MYO7A: variants seen among roughly 807,000 people sequenced by gnomAD.
MYO7A encodes unconventional myosin-VIIa.
Under a neutral mutation model 263.8 loss-of-function variants are expected in MYO7A, and 210 were observed. That is an observed-to-expected ratio of 0.80 (90% CI 0.71 to 0.89). The LOEUF (loss-of-function observed/expected upper bound fraction) is 0.89. MYO7A is among the 40% of genes least tolerant of loss of function. The pLI is 0.00. For missense variants in MYO7A, 2,820 were observed against 2,968.3 expected, an observed-to-expected ratio of 0.95 and a Z score of 1.16; for synonymous variants, 1,239 against 1,197.3, an observed-to-expected ratio of 1.03 and a Z score of -0.72.
chr11:77,182,089 C>CA lies in MYO7A; in HGVS notation c.3044dup (p.His1015GlnfsTer16), dbSNP rs1955277019. ...CACCTACTTCCAGGGGACAACCACG[C>CA]ACTCCTACACCCGGCGGCCACTCAA... On this transcript the variant is annotated frameshift_variant, in exon 24 of 49. Transcript: ENST00000409709. LOFTEE classifies it high-confidence loss of function. The CA allele has an allele frequency of 6.2e-7, 1 of 1,613,338 alleles. No individual in the cohort carries two copies. The highest frequency in any genetic ancestry group is 8.5e-7 in the Non-Finnish European group (1 of 1,179,892).
chr11:77,144,189 C>T (rs1951407486), intron 3 of MYO7A, among the ~76,000 whole-genome samples: 1 of 152,190 alleles, frequency 6.6e-6, no homozygotes, highest in Admixed American at 6.5e-5. Flanking sequence ...ACATTTTTGG[C>T]CCTTGGGCCG....
chr11:77,202,210 C>T, intron 36 of MYO7A, 90 bp from the exon 37 acceptor site: 1 of 1,443,228 alleles, frequency 6.9e-7, no homozygotes, highest in Non-Finnish European at 9.2e-7. Context: ...AAGAGTCTCC[C>T]AGAGTCCAGA....
intron 20 of MYO7A, 65 bp from the exon 21 acceptor site, chr11:77,179,670 C>T (rs1316016697): frequency 5.6e-6 from 8 of 1,423,102 alleles, no homozygotes; most frequent in Non-Finnish European, 7.5e-6. Flanking sequence ...CATGGAAGCT[C>T]CTGCAGGCAG....
chr11:77,142,658 C>T, intron 2 of MYO7A, 51 bp from the exon 3 acceptor site: 3 of 1,476,134 alleles, frequency 2.0e-6, no homozygotes, highest in Non-Finnish European at 2.8e-6. Flanking sequence ...CTGGAAGGGG[C>T]TCCAATCCCC....
intron 29 of MYO7A, 56 bp downstream of exon 29, chr11:77,190,195 CGTGTGT>C: frequency 7.3e-7 from 1 of 1,377,268 alleles, no homozygotes; most frequent in South Asian, 1.4e-5. Flanking sequence ...TGTGTAAATG[CGTGTGT>C]GTGTGTGTCC....
intron 41 of MYO7A, 192 bp from the exon 42 acceptor site, chr11:77,207,094 GGGA>G (rs1258083466): frequency 5.9e-6 from 3 of 505,540 alleles, no homozygotes; most frequent in Admixed American, 3.3e-5. Context: ...TTGGAGAGTC[GGGA>G]GGAGGAGACC....
At chr11:77,212,794 G>A in intron 46 of MYO7A, 158 bp from the exon 47 acceptor site, 1 of 662,808 alleles carries the variant, frequency 1.5e-6, no homozygotes, top group South Asian at 1.8e-5. Context: ...TGAGGGCCCA[G>A]CGGAGGTGGA....
At position 77,179,936 on chromosome 11, in the gene MYO7A, CA is replaced by C; in HGVS notation, c.2571del (p.Gln857HisfsTer28). 1 of 1,529,724 alleles carries C rather than the reference CA, an allele frequency of 6.5e-7. No individual in the cohort carries two copies. The highest frequency in any genetic ancestry group is 8.8e-7 in the Non-Finnish European group (1 of 1,140,532). The allele number at this position is 1,529,724 out of a possible 1,614,324, so 94.8% of individuals were successfully genotyped here. ...ARGMIARRLH[Q>X]RLRAEYLWRL... ...GGGCATGATCGCCCGCAGGCTGCAC[CA>C]ACGCCTCAGGGCTGAGGTGAGGGAG... On this transcript the variant is annotated frameshift_variant, in exon 21 of 49. Transcript: ENST00000409709. LOFTEE classifies it high-confidence loss of function.
intron 44 of MYO7A, 187 bp downstream of exon 44, chr11:77,208,990 T>G (rs953699146): frequency 1.7e-6 from 1 of 603,540 alleles, no homozygotes; most frequent in African/African-American, 1.9e-5. Flanking sequence ...ATCTTCTGAT[T>G]CTTCAGCCCT....
intron 1 of MYO7A, among the ~76,000 whole-genome samples, chr11:77,130,298 G>T (rs1950731417): frequency 6.6e-6 from 1 of 152,258 alleles, no homozygotes; most frequent in African/African-American, 2.4e-5. Context: ...GGGCCCCTTT[G>T]CCGTAGGTCC....
intron 14 of MYO7A, among the ~76,000 whole-genome samples, chr11:77,163,781 T>A (rs896976850): frequency 6.6e-6 from 1 of 151,834 alleles, no homozygotes; most frequent in Non-Finnish European, 1.5e-5. Flanking sequence ...CTGAATAGTA[T>A]TTCGTTGTGT....
intron 1 of MYO7A, among the ~76,000 whole-genome samples, chr11:77,128,778 G>A (rs936391447): frequency 2.0e-5 from 3 of 152,172 alleles, no homozygotes; most frequent in African/African-American, 7.2e-5. Context: ...CAGGGGAATA[G>A]ACATGCTGTG....
chr11:77,134,484 T>A (rs1008620552), intron 2 of MYO7A, among the ~76,000 whole-genome samples: 3 of 151,310 alleles, frequency 2.0e-5, no homozygotes, highest in Admixed American at 6.6e-5. Flanking sequence ...AGAGATGGAG[T>A]CTTACTGTGT....
intron 3 of MYO7A, among the ~76,000 whole-genome samples, chr11:77,147,334 C>G (rs1323911315): frequency 1.3e-5 from 2 of 152,200 alleles, no homozygotes; most frequent in Non-Finnish European, 2.9e-5. Flanking sequence ...CAGCTCCCCC[C>G]ATGACTCTCC....
At position 77,196,468 on chromosome 11, in the gene MYO7A, C is replaced by T. The variant is rs536268784; in HGVS notation, c.4324-1013C>T. Among the ~76,000 whole-genome samples the T allele has an allele frequency of 2.0e-4, 30 of 152,012 alleles. No individual in the cohort carries two copies. The South Asian group carries it at 6.2e-3, about 32-fold the overall frequency. ...ATATGGTAGGTTGGGGAAGGAAGCA[C>T]ACAATTCAGTCCATAACAGGTGTTT... is the stretch of plus-strand genomic sequence containing the variant. On this transcript the variant is annotated intron_variant, in intron 32 of 48. Transcript: ENST00000409709.
intron 32 of MYO7A, 85 bp from the exon 33 acceptor site, chr11:77,197,396 C>T: frequency 9.1e-7 from 1 of 1,096,886 alleles, no homozygotes; most frequent in Non-Finnish European, 1.3e-6. Flanking sequence ...CAGGCTGCTC[C>T]TGGCTAGAAG....
rs575271762 is a variant in MYO7A, at chr11:77,172,539, G to A, written c.1798-209G>A. 2.0e-5 allele frequency among the ~76,000 whole-genome samples: 3 copies of A among 152,314 alleles called. No individual in the cohort carries two copies. In the South Asian group the frequency reaches 6.2e-4, roughly 32 times the overall value. The stretch of plus-strand genomic sequence containing the variant: ...TCGCCCAGAGGTGGTAACTTTGGAA[G>A]TCCTGGGAGGCTTCCTGGAGGAGGT... On this transcript the variant is annotated intron_variant, in intron 15 of 48. Transcript: ENST00000409709.
chr11:77,211,370 G>A (rs1320833305), intron 45 of MYO7A, 33 bp downstream of exon 45: 9 of 1,551,834 alleles, frequency 5.8e-6, no homozygotes, highest in African/African-American at 1.4e-5. Flanking sequence ...GAATGGTGGG[G>A]CCCTGAATGG....
chr11:77,208,894 T>G (rs929310027), intron 44 of MYO7A, 91 bp downstream of exon 44: 1 of 1,079,208 alleles, frequency 9.3e-7, no homozygotes, highest in East Asian at 2.6e-5. Context: ...CCTTGCCAGG[T>G]GTGGGGCCCG....
Sources: allele counts gnomAD v4.1 joint callset (sites outside exome capture counted in the v4.1 genomes callset), GRCh38; gene constraint gnomAD v4.1.1; transcripts MANE v1.5; gene names NCBI Gene and HGNC (gene_info 2026-07-23, HGNC 2026-07-21).